The following EVI5L variants were observed in gnomAD, a reference collection of about 807,000 sequenced individuals.
EVI5L encodes EVI5-like protein.
A neutral mutation model predicts 106.1 loss-of-function variants in EVI5L; 30 were observed. That is an observed-to-expected ratio of 0.28 (90% CI 0.21 to 0.38). The LOEUF (loss-of-function observed/expected upper bound fraction) is 0.38, where lower values mean the gene tolerates loss of function less well. Ranked by LOEUF, EVI5L falls within the 10% of genes least tolerant of loss-of-function variation. The pLI is 1.00. For missense variants in EVI5L, 809 were observed against 1,098.0 expected, an observed-to-expected ratio of 0.74 and a Z score of 3.72; for synonymous variants, 489 against 483.3, an observed-to-expected ratio of 1.01 and a Z score of -0.15.
intron 8 of EVI5L, among the ~76,000 whole-genome samples, chr19:7,852,176 C>T (rs537004665): frequency 1.3e-5 from 2 of 152,238 alleles, no homozygotes; most frequent in Non-Finnish European, 2.9e-5. Context: ...GGCAACCTCA[C>T]GCCTTGCCCC....
Position 7,857,396 on chromosome 19 carries a change from C to G in EVI5L, c.1233+272C>G. On this transcript the variant is annotated intron_variant, in intron 12 of 19. Transcript: ENST00000538904. This position sits in a 1 kb window ranked among gnomAD's most constrained non-coding sequence, Gnocchi z 4.5. ...TACAGAAAGCTTCCTCCGGGCGACA[C>G]AGGGTGGGGACCCAGGAGGGCTGGG... 1.7e-6 allele frequency: 1 copy of G among 592,226 alleles called. No homozygotes were observed. The highest frequency in any genetic ancestry group is 3.0e-6 in the Non-Finnish European group (1 of 331,884). The allele number at this position is 592,226 out of a possible 1,614,324, so 36.7% of individuals were successfully genotyped here.
intron 1 of EVI5L, among the ~76,000 whole-genome samples, chr19:7,844,071 G>T (rs769920060): frequency 6.6e-6 from 1 of 152,010 alleles, no homozygotes; most frequent in African/African-American, 2.4e-5. Context: ...ACTGAGGCTC[G>T]GCTGGGCGCG....
chr19:7,831,370 C>A (rs1484458412), intron 1 of EVI5L, among the ~76,000 whole-genome samples: 1 of 151,826 alleles, frequency 6.6e-6, no homozygotes, highest in African/African-American at 2.4e-5. Flanking sequence ...AACACTTCTG[C>A]ACCCCTCCTC....
Position 7,863,107 on chromosome 19 carries a change from CA to C in EVI5L, c.2043+41del. 6.7e-7 allele frequency: 1 copy of C among 1,493,322 alleles called. No individual in the cohort carries two copies. The highest frequency in any genetic ancestry group is 8.9e-7 in the Non-Finnish European group (1 of 1,119,268). 92.5% of individuals were successfully genotyped at this position (1,493,322 alleles called of 1,614,324 possible). A position where few individuals can be genotyped will look rare whatever the true frequency, so the allele number is the denominator to read the frequency against. ...CGGGGTCGGGGGGCGGGGGCGGGGG[CA>C]GGGCCCGGGGCAGGAGCGGGGCCGG... is the stretch of plus-strand genomic sequence containing the variant. On this transcript the variant is annotated intron_variant, in intron 18 of 19. Coordinates refer to ENST00000538904, the MANE Select transcript of EVI5L (RefSeq NM_001159944.3). This position sits in a 1 kb window ranked among gnomAD's most constrained non-coding sequence, Gnocchi z 7.7.
In EVI5L at chr19:7,851,694, T is replaced by C; in HGVS notation, c.911T>C (p.Val304Ala). The change falls in exon 8 of 20, where the codon GTG becomes GCG. Residue 304 changes from valine (V) to alanine (A), a missense_variant. By Grantham distance (64) the Val-to-Ala change is moderately conservative (BLOSUM62 0). This residue lies in a region of EVI5L where 357 missense variants were observed against 588.1 expected (regional missense o/e 0.61). Coordinates refer to ENST00000538904, the MANE Select transcript of EVI5L (RefSeq NM_001159944.3). Reference sequence around the variant, plus strand: ...CCGCCTTTGCAGGGGCTGGAGATCGTGTTCCGAGTGGGCCTCGCCCTGCTG... The same window carrying C: ...CCGCCTTTGCAGGGGCTGGAGATCGCGTTCCGAGTGGGCCTCGCCCTGCTG... ...DIFMYEGLEI[V>A]FRVGLALLQV... 6.3e-7 allele frequency: 1 copy of C among 1,577,044 alleles called. No homozygotes were observed. Among genetic ancestry groups the C allele is most frequent in the Non-Finnish European group, 8.6e-7 (1 of 1,164,692 alleles).
Position 7,857,062 on chromosome 19 carries a change from CT to C in EVI5L, c.1201-29del. 6.4e-7 allele frequency: 1 copy of C among 1,551,696 alleles called. No homozygotes were observed. The highest frequency in any genetic ancestry group is 8.7e-7 in the Non-Finnish European group (1 of 1,146,876). The stretch of plus-strand genomic sequence containing the variant: ...GCGCCTTCCGCTCTGCCTCCTCCCC[CT>C]GTCGCTGGGAACCCCCTTCGCCGGG... On this transcript the variant is annotated intron_variant, in intron 11 of 19. Transcript: ENST00000538904. This position sits in a 1 kb window ranked among gnomAD's most constrained non-coding sequence, Gnocchi z 4.5.
At chr19:7,844,014 T>C (rs1008215985) in intron 1 of EVI5L, among the ~76,000 whole-genome samples, 1 of 151,996 alleles carries the variant, frequency 6.6e-6, no homozygotes, top group Admixed American at 6.6e-5. Flanking sequence ...CTGAACAACC[T>C]CTGCTGGTGG....
At chr19:7,854,299 AAAAGAAAAG>A (rs1979421919) in intron 10 of EVI5L, among the ~76,000 whole-genome samples, 1 of 124,684 alleles carries the variant, frequency 8.0e-6, no homozygotes, top group Non-Finnish European at 1.8e-5. Context: ...AAAAAAAAAG[AAAAGAAAAG>A]AAAAAAAACA....
chr19:7,860,663 C>A lies in EVI5L; in HGVS notation c.1477C>A (p.Gln493Lys). 2.5e-6 allele frequency: 4 copies of A among 1,590,938 alleles called. No homozygotes were observed. The highest frequency in any genetic ancestry group is 2.7e-5 in the African/African-American group (2 of 74,566). ...TETLGALREM[Q>K]DKVLDMEKRN... ...GACACTGGGGGCCCTTCGGGAGATGCAGGACAAGGTTCTCGACATGGAAAA... is the reference window on the plus strand; with the variant it reads ...GACACTGGGGGCCCTTCGGGAGATGAAGGACAAGGTTCTCGACATGGAAAA... Residue 493 changes from glutamine to lysine, a missense_variant, in exon 14 of 20, where the codon CAG becomes AAG. This residue lies in a region of EVI5L where 452 missense variants were observed against 509.9 expected (regional missense o/e 0.89). Coordinates refer to ENST00000538904, the MANE Select transcript of EVI5L (RefSeq NM_001159944.3).
Position 7,863,182 on chromosome 19 carries a change from C to T in EVI5L, c.2044-3C>T. ...GCCCCGCGTGACCTGGCGCACCCCG[C>T]AGAGGGAGGAAGGCCGCATCCAGGG... On this transcript the variant is annotated splice_polypyrimidine_tract_variant and splice_region_variant and intron_variant, in intron 18 of 19. Coordinates refer to ENST00000538904, the MANE Select transcript of EVI5L (RefSeq NM_001159944.3). This position sits in a 1 kb window ranked among gnomAD's most constrained non-coding sequence, Gnocchi z 7.7. The T allele has an allele frequency of 6.4e-7, 1 of 1,554,378 alleles. No individual in the cohort carries two copies. Among genetic ancestry groups the T allele is most frequent in the South Asian group, 1.2e-5 (1 of 84,280 alleles).
In EVI5L at chr19:7,858,146, C is replaced by T. The variant is rs536096638; in HGVS notation, c.1234-45C>T. On this transcript the variant is annotated intron_variant, in intron 12 of 19. Transcript: ENST00000538904. This position sits in a 1 kb window ranked among gnomAD's most constrained non-coding sequence, Gnocchi z 5.7. ...GGGAGGCAGGGCCTTGGGTGGGAGCCGAGGGTCACGGCCTCCCCCTGCCCC... is the reference window on the plus strand; with the variant it reads ...GGGAGGCAGGGCCTTGGGTGGGAGCTGAGGGTCACGGCCTCCCCCTGCCCC... The T allele has an allele frequency of 5.9e-6, 9 of 1,536,692 alleles. No homozygotes were observed. Among genetic ancestry groups the T allele is most frequent in the Middle Eastern group, 4.1e-4 (2 of 4,862 alleles).
Position 7,858,049 on chromosome 19 carries a change from C to A in EVI5L, c.1234-142C>A. ...TCCCCAGGCCCAGTGGGACGCTCAT[C>A]CCAGGCTCTGAGTACGGGAGGCCCC... is the stretch of plus-strand genomic sequence containing the variant. On this transcript the variant is annotated intron_variant, in intron 12 of 19. Transcript: ENST00000538904. The surrounding 1 kb of genome is among the most constrained non-coding windows in gnomAD (Gnocchi z 5.7). 1 of 991,884 alleles carries A rather than the reference C, an allele frequency of 1.0e-6. No homozygotes were observed. Among genetic ancestry groups the A allele is most frequent in the Non-Finnish European group, 1.5e-6 (1 of 685,322 alleles). The allele number at this position is 991,884 out of a possible 1,614,324, so 61.4% of individuals were successfully genotyped here.
chr19:7,859,638 G>A (rs559898189), intron 13 of EVI5L, among the ~76,000 whole-genome samples: 1 of 152,344 alleles, frequency 6.6e-6, no homozygotes, highest in African/African-American at 2.4e-5. Flanking sequence ...ATGGACATTA[G>A]GGAAACTGAG....
At chr19:7,832,134 C>G (rs562000921) in intron 1 of EVI5L, among the ~76,000 whole-genome samples, 1 of 152,222 alleles carries the variant, frequency 6.6e-6, no homozygotes. Flanking sequence ...CTCCCCACTC[C>G]CAGCTCTGGC....
rs1457272753 is a variant in EVI5L, at chr19:7,845,355, C to T, written c.-47-1141C>T. Among the ~76,000 whole-genome samples, 1 of 152,108 alleles carries T rather than the reference C, an allele frequency of 6.6e-6. No homozygotes were observed. Among genetic ancestry groups the T allele is most frequent in the Non-Finnish European group, 1.5e-5 (1 of 67,988 alleles). ...CAGCCGCTGCCTCCACTCCCATAGCCGTCCCTTTCCTCTAGGGCCCCCTGC... is the reference window on the plus strand; with the variant it reads ...CAGCCGCTGCCTCCACTCCCATAGCTGTCCCTTTCCTCTAGGGCCCCCTGC... On this transcript the variant is annotated intron_variant, in intron 1 of 19. Coordinates refer to ENST00000538904, the MANE Select transcript of EVI5L (RefSeq NM_001159944.3). This position sits in a 1 kb window ranked among gnomAD's most constrained non-coding sequence, Gnocchi z 4.0.
chr19:7,842,427 G>C (rs1325882207), intron 1 of EVI5L, among the ~76,000 whole-genome samples: 2 of 99,382 alleles, frequency 2.0e-5, no homozygotes, highest in African/African-American at 6.9e-5. Context: ...GTGTGTGCAT[G>C]TGTGTGCATG....
In EVI5L at chr19:7,853,356, G is replaced by A. The variant is rs193041982; in HGVS notation, c.1146+23G>A. The stretch of plus-strand genomic sequence containing the variant: ...AAAGTGAGTCCAGGGGCCCAGGGGC[G>A]GGGACAGGGATGGGAGGCCTTTGGG... On this transcript the variant is annotated intron_variant, in intron 10 of 19. Coordinates refer to ENST00000538904, the MANE Select transcript of EVI5L (RefSeq NM_001159944.3). 1.3e-4 allele frequency: 206 copies of A among 1,600,688 alleles called. No individual in the cohort carries two copies. In the Admixed American group the frequency reaches 3.4e-3, roughly 26 times the overall value.
chr19:7,859,086 G>T (rs1979672086), intron 13 of EVI5L: 1 of 151,950 alleles, frequency 6.6e-6, no homozygotes, highest in Non-Finnish European at 1.5e-5. Context: ...AGCTACTCAG[G>T]AGGCTGAGGC....
chr19:7,842,098 G>A (rs1441985973), intron 1 of EVI5L, among the ~76,000 whole-genome samples: 2 of 152,132 alleles, frequency 1.3e-5, no homozygotes, highest in Non-Finnish European at 2.9e-5. Context: ...TGAGAAGTGT[G>A]AAAGAGTATG....
Sources: allele counts gnomAD v4.1 joint callset (sites outside exome capture counted in the v4.1 genomes callset), GRCh38; gene constraint gnomAD v4.1.1; regional missense constraint gnomAD v4.1.1; non-coding constraint Gnocchi (gnomAD v3.1); transcripts MANE v1.5; gene names NCBI Gene and HGNC (gene_info 2026-07-23, HGNC 2026-07-21).